The following OR4K1 variants were observed in gnomAD, a reference collection of about 807,000 sequenced individuals.
The protein encoded by OR4K1 is olfactory receptor family 4 subfamily K member 1, also known as olfactory receptor 4K1.
OR4K1 carries 16 observed loss-of-function variants against 14.4 expected under a neutral mutation model. The observed-to-expected ratio is 1.11, with a 90% CI of 0.75 to 1.68. The LOEUF is 1.68. Among genes scored for constraint, OR4K1 ranks in the 40% most tolerant of loss-of-function variants. OR4K1 has a pLI of 0.00. For missense variants in OR4K1, 548 were observed against 376.9 expected (o/e 1.45, Z -3.76); for synonymous variants, 181 against 133.1 (o/e 1.36, Z -2.48).
chr14:19,923,253 G>A, the OR4K1 span, among the ~76,000 whole-genome samples: 245 of 152,232 alleles, frequency 1.6e-3, 1 homozygote, highest in Middle Eastern at 3.4e-3. Flanking sequence ...ACTCTATTCT[G>A]TTTCGTTAAT....
At chr14:19,925,208 TAAAGG>T in the OR4K1 span, among the ~76,000 whole-genome samples, 1 of 152,240 alleles carries the variant, frequency 6.6e-6, no homozygotes, top group Non-Finnish European at 1.5e-5. Flanking sequence ...TGAAAAAGTG[TAAAGG>T]AAAGTGTCTT....
chr14:19,932,041 A>T (rs1284041234), intron 1 of OR4K1, among the ~76,000 whole-genome samples: 1 of 152,236 alleles, frequency 6.6e-6, no homozygotes, highest in Non-Finnish European at 1.5e-5. Flanking sequence ...ATGAGATATA[A>T]TGTTGAACCT....
At chr14:19,921,496 C>T in the OR4K1 span, 11 of 1,613,820 alleles carry the variant, frequency 6.8e-6, no homozygotes, top group African/African-American at 8.0e-5. Flanking sequence ...ATGAAGGCTG[C>T]CGTAAGGAAA....
the OR4K1 span, among the ~76,000 whole-genome samples, chr14:19,925,255 T>C: frequency 2.0e-5 from 3 of 152,206 alleles, no homozygotes; most frequent in African/African-American, 7.2e-5. Flanking sequence ...GATTTGAACA[T>C]TGATTATATT....
rs750086740 is a variant in OR4K1 at position 19,935,875 on chromosome 14, A to G, written c.209A>G (p.Asp70Gly). ...TTGCTCAGTAATCTTTCTTTCATTG[A>G]TATCTGTCAGTCTAACTTTGCCACC... The part of the protein sequence containing the change: ...YFLLSNLSFI[D>G]ICQSNFATPK... Residue 70 changes from aspartate to glycine, a missense_variant, in exon 2 of 2, where the codon GAT (aspartate) becomes GGT (glycine). Physicochemically the swap from Asp to Gly is moderately conservative, Grantham distance 94. Coordinates refer to ENST00000641172, the MANE Select transcript of OR4K1 (RefSeq NM_001004063.3). The G allele has an allele frequency of 1.1e-5, 17 of 1,614,098 alleles. No individual in the cohort carries two copies. The highest frequency in any genetic ancestry group is 1.4e-5 in the Non-Finnish European group (17 of 1,180,048).
chr14:19,936,262 C>T lies in OR4K1; in HGVS notation c.596C>T (p.Thr199Ile). The T allele has an allele frequency of 6.2e-7, 1 of 1,614,212 alleles. No homozygotes were observed. Among genetic ancestry groups the T allele is most frequent in the Non-Finnish European group, 8.5e-7 (1 of 1,180,026 alleles). The part of the protein sequence containing the change: ...CMDTYEMEIM[T>I]LTNSGLISLS... ...GATACATATGAAATGGAAATTATGA[C>T]CCTAACGAACAGTGGCCTGATATCA... The change falls in exon 2 of 2, where the codon ACC (threonine) becomes ATC (isoleucine). Residue 199 changes from threonine to isoleucine, a missense_variant. Thr to Ile is a moderately conservative substitution (Grantham distance 89). Transcript: ENST00000641172.
chr14:19,925,303 T>G, the OR4K1 span, among the ~76,000 whole-genome samples: 1 of 152,218 alleles, frequency 6.6e-6, no homozygotes, highest in Admixed American at 6.5e-5. Context: ...TAGCTTTTGA[T>G]CAAGTCACCA....
chr14:19,921,208 T>C, the OR4K1 span: 5 of 1,614,058 alleles, frequency 3.1e-6, no homozygotes, highest in Non-Finnish European at 3.4e-6. Context: ...CTAATTGTGG[T>C]CAATAGTGGA....
upstream of OR4K1, among the ~76,000 whole-genome samples, chr14:19,928,293 T>A (rs199517684): frequency 1.9e-3 from 282 of 152,052 alleles, 8 homozygotes; most frequent in East Asian, 0.04. Context: ...TTATTTATTT[T>A]ATTTATTTAT....
At chr14:19,924,427 A>AAAAAAAAAAAT in the OR4K1 span, among the ~76,000 whole-genome samples, 1 of 144,200 alleles carries the variant, frequency 6.9e-6, no homozygotes, top group Non-Finnish European at 1.5e-5. Flanking sequence ...AAAAAAAAAA[A>AAAAAAAAAAAT]GATAGCATTT....
At chr14:19,923,841 T>C in the OR4K1 span, among the ~76,000 whole-genome samples, 2 of 152,368 alleles carry the variant, frequency 1.3e-5, no homozygotes, top group Admixed American at 6.5e-5. Flanking sequence ...CTTTTTATTC[T>C]CCTTGTAGTA....
chr14:19,922,534 G>A, the OR4K1 span, among the ~76,000 whole-genome samples: 10 of 152,094 alleles, frequency 6.6e-5, no homozygotes, highest in Admixed American at 3.3e-4. Context: ...CTTGGGCAGG[G>A]CATCACCCTT....
At chr14:19,931,849 G>A (rs1286426412) in intron 1 of OR4K1, among the ~76,000 whole-genome samples, 2 of 152,232 alleles carry the variant, frequency 1.3e-5, no homozygotes, top group African/African-American at 2.4e-5. Context: ...GACTGCTGAA[G>A]GAATGCTAAC....
the OR4K1 span, among the ~76,000 whole-genome samples, chr14:19,923,353 C>T: frequency 2.0e-5 from 3 of 152,222 alleles, no homozygotes. Context: ...TAAGTTCTCT[C>T]ATCTCTTATT....
chr14:19,930,993 G>A lies in OR4K1; in HGVS notation c.-172G>A, dbSNP rs1882172358. On this transcript the variant is annotated 5_prime_UTR_variant, in exon 1 of 2. Coordinates refer to ENST00000641172, the MANE Select transcript of OR4K1 (RefSeq NM_001004063.3). ...CTTCCTTCCATACGGCATAGTGTAG[G>A]GAACCAAGTTAAAATGCATCAAGTT... The A allele has an allele frequency of 6.6e-6, 1 of 152,240 alleles. No homozygotes were observed. The highest frequency in any genetic ancestry group is 2.1e-4 in the South Asian group (1 of 4,830). 9.4% of individuals were successfully genotyped at this position (152,240 alleles called of 1,614,324 possible). A position where few individuals can be genotyped will look rare whatever the true frequency, so the allele number is the denominator to read the frequency against.
At chr14:19,928,592 T>A (rs1487735351), upstream of OR4K1, among the ~76,000 whole-genome samples, 1 of 152,168 alleles carries the variant, frequency 6.6e-6, no homozygotes, top group East Asian at 1.9e-4. Context: ...TAATTGGGCA[T>A]ATTTTTTGCC....
rs777592312 is a variant in OR4K1 at position 19,936,304 on chromosome 14, C to T, written c.638C>T (p.Ala213Val). ...CTGATATCATTGAGCTGTTTCCTGG[C>T]TTTAATTATTTCCTACACCATCATT... is the stretch of plus-strand genomic sequence containing the variant. ...SGLISLSCFL[A>V]LIISYTIILI... Residue 213 changes from alanine (A) to valine (V), a missense_variant, in exon 2 of 2, where the codon GCT becomes GTT. Ala to Val is a moderately conservative substitution (Grantham distance 64, BLOSUM62 0). Transcript: ENST00000641172. 2 of 1,614,246 alleles carry T rather than the reference C, an allele frequency of 1.2e-6. No individual in the cohort carries two copies. The highest frequency in any genetic ancestry group is 1.7e-5 in the Admixed American group (1 of 60,028).
rs773455008 is a variant in OR4K1, at chr14:19,935,788, G to A, written c.122G>A (p.Gly41Asp). The change falls in exon 2 of 2, where the codon GGC (glycine) becomes GAC (aspartate). Residue 41 changes from glycine to aspartate, a missense_variant. By Grantham distance (94) the Gly-to-Asp change is moderately conservative (BLOSUM62 -1). Coordinates refer to ENST00000641172, the MANE Select transcript of OR4K1 (RefSeq NM_001004063.3). ...FSIVYVTSVL[G>D]NVLIIVIISF... ...ATAGTCTATGTGACATCAGTGCTAGGCAATGTCTTAATTATTGTCATTATT... is the reference window on the plus strand; with the variant it reads ...ATAGTCTATGTGACATCAGTGCTAGACAATGTCTTAATTATTGTCATTATT... 9 of 1,614,008 alleles carry A rather than the reference G, an allele frequency of 5.6e-6. No homozygotes were observed. In the South Asian group the frequency reaches 7.7e-5, roughly 14 times the overall value.
At chr14:19,926,629 T>C (rs1363084032), upstream of OR4K1, among the ~76,000 whole-genome samples, 1 of 152,252 alleles carries the variant, frequency 6.6e-6, no homozygotes, top group African/African-American at 2.4e-5. Flanking sequence ...TTGAATGTTA[T>C]AGGCAGCATA....
Sources: gnomAD v4.1 joint callset for allele counts (sites outside exome capture counted in the v4.1 genomes callset) on GRCh38, gnomAD v4.1.1 for gene constraint, MANE v1.5 for transcripts, NCBI Gene and HGNC (gene_info 2026-07-23, HGNC 2026-07-21) for gene names.